The following UBE3A variants were observed in gnomAD, a reference collection of about 807,000 sequenced individuals.
UBE3A encodes ubiquitin-protein ligase E3A.
A neutral mutation model predicts 83.4 loss-of-function variants in UBE3A; 6 were observed. That is an observed-to-expected ratio of 0.07 (90% CI 0.04 to 0.14). The LOEUF (loss-of-function observed/expected upper bound fraction) is 0.14, where lower values mean the gene tolerates loss of function less well. Among genes scored for constraint, UBE3A ranks in the 10% least tolerant of loss-of-function variants. The probability of loss-of-function intolerance (pLI) is 1.00; values close to 1 mark genes in which losing one functional copy is unlikely to be tolerated. For missense variants in UBE3A, 456 were observed against 1,036.1 expected (o/e 0.44, Z 7.69); for synonymous variants, 337 against 355.4 (o/e 0.95, Z 0.58).
At position 25,416,401 on chromosome 15, in the gene UBE3A, G is replaced by T. The variant is rs570510144; in HGVS notation, c.-164-4430C>A. Among the ~76,000 whole-genome samples, 3 of 152,148 alleles carry T rather than the reference G, an allele frequency of 2.0e-5. No individual in the cohort carries two copies. The East Asian group carries it at 5.8e-4, about 29-fold the overall frequency. Reference sequence around the variant, plus strand: ...AATAAATCTCACAAATACATTAAAAGAAGTCAGACACAACTAAATGTGCTT... The same window carrying T: ...AATAAATCTCACAAATACATTAAAATAAGTCAGACACAACTAAATGTGCTT... On this transcript the variant is annotated intron_variant, in intron 1 of 12. Transcript: ENST00000648336.
chr15:25,437,755 G>T (rs928267325), intron 1 of UBE3A, among the ~76,000 whole-genome samples: 1 of 152,062 alleles, frequency 6.6e-6, no homozygotes, highest in Admixed American at 6.5e-5. Context: ...AAATTTTACG[G>T]ACTAAGGCAT....
intron 1 of UBE3A, among the ~76,000 whole-genome samples, chr15:25,437,741 T>C (rs914123512): frequency 6.6e-6 from 1 of 152,174 alleles, no homozygotes; most frequent in Admixed American, 6.5e-5. Flanking sequence ...TAAAATTATT[T>C]CTAAAATTTT....
At chr15:25,388,873 G>A (rs912646310) in intron 4 of UBE3A, among the ~76,000 whole-genome samples, 4 of 152,126 alleles carry the variant, frequency 2.6e-5, no homozygotes, top group Admixed American at 1.3e-4. Flanking sequence ...TTACATTAGC[G>A]TGTCCCAAAA....
At chr15:25,366,629 A>G (rs1384379118) in intron 6 of UBE3A, among the ~76,000 whole-genome samples, 1 of 152,202 alleles carries the variant, frequency 6.6e-6, no homozygotes, top group Non-Finnish European at 1.5e-5. Flanking sequence ...AATTGGAACC[A>G]AGTTTCACAT....
chr15:25,410,917 T>C (rs1230063827), intron 2 of UBE3A, among the ~76,000 whole-genome samples: 40 of 152,132 alleles, frequency 2.6e-4, no homozygotes, highest in Admixed American at 2.6e-3. Context: ...AAGAGACTAA[T>C]GGTATGTGGA....
At chr15:25,410,843 T>C (rs778412459) in intron 2 of UBE3A, among the ~76,000 whole-genome samples, 2 of 152,200 alleles carry the variant, frequency 1.3e-5, no homozygotes, top group South Asian at 2.1e-4. Flanking sequence ...TGAGGTCATA[T>C]GGGAAACACC....
In UBE3A at chr15:25,356,208, C is replaced by T; in HGVS notation, c.1960-152G>A. On this transcript the variant is annotated intron_variant, in intron 8 of 12. Transcript: ENST00000648336. ...TCCCTCCAGTCCCCCAAATAGTTTC[C>T]AACCTATAAAAGAAAGATTGTCAGT... 4 of 938,104 alleles carry T rather than the reference C, an allele frequency of 4.3e-6. No homozygotes were observed. The South Asian group carries it at 4.4e-5, about 10-fold the overall frequency. The allele number at this position is 938,104 out of a possible 1,614,324, so 58.1% of individuals were successfully genotyped here.
At chr15:25,357,585 A>C (rs148581241) in intron 7 of UBE3A, 1,607 of 152,336 alleles carry the variant, frequency 0.011, 20 homozygotes, top group Middle Eastern at 0.034. Flanking sequence ...TGACCTCGTG[A>C]TCTGCCAGCC....
chr15:25,407,112 A>T (rs2088797487), intron 3 of UBE3A: 1 of 1,350,824 alleles, frequency 7.4e-7, no homozygotes, highest in South Asian at 1.1e-5. Context: ...GATTGCTTCC[A>T]AACTTGTATC....
chr15:25,343,776 T>C (rs1045167205), intron 11 of UBE3A, among the ~76,000 whole-genome samples: 5 of 151,760 alleles, frequency 3.3e-5, no homozygotes, highest in Admixed American at 2.0e-4. Flanking sequence ...ATAAAGTTTC[T>C]AAAAGTGAAG....
intron 4 of UBE3A, among the ~76,000 whole-genome samples, chr15:25,401,499 T>C (rs963629337): frequency 1.3e-5 from 2 of 152,198 alleles, no homozygotes; most frequent in Non-Finnish European, 2.9e-5. Context: ...TGTTCACATT[T>C]TTCATTTCAT....
chr15:25,438,109 A>AGAAAGGGCTCCCCTTTGAAG (rs1421692960), intron 1 of UBE3A: 2 of 152,280 alleles, frequency 1.3e-5, no homozygotes, highest in Non-Finnish European at 2.9e-5. Flanking sequence ...GAAAACGCCG[A>AGAAAGGGCTCCCCTTTGAAG]GAAAGGGCTC....
At chr15:25,358,341 T>C (rs1360578308) in intron 7 of UBE3A, among the ~76,000 whole-genome samples, 1 of 151,632 alleles carries the variant, frequency 6.6e-6, no homozygotes, top group Non-Finnish European at 1.5e-5. Context: ...ACAGAACCAC[T>C]ACACTCCAGC....
At chr15:25,374,651 T>C (rs1185386435) in intron 5 of UBE3A, 1 of 152,224 alleles carries the variant, frequency 6.6e-6, no homozygotes, top group African/African-American at 2.4e-5. Context: ...TCAAATGATG[T>C]TAGTGAAAGT....
intron 4 of UBE3A, among the ~76,000 whole-genome samples, chr15:25,377,888 CA>C (rs1246388714): frequency 1.3e-5 from 2 of 152,094 alleles, no homozygotes; most frequent in African/African-American, 4.8e-5. Flanking sequence ...CACTAACTGA[CA>C]AAAGTCAGTT....
At chr15:25,339,773 T>C (rs929934078) in intron 12 of UBE3A, 21 of 389,552 alleles carry the variant, frequency 5.4e-5, no homozygotes, top group Non-Finnish European at 9.1e-5. Context: ...CGAGCCTCAA[T>C]GTAACCATTC....
rs745396458 is a variant in UBE3A at position 25,336,998 on chromosome 15, G to A, written c.*2139C>T. On this transcript the variant is annotated 3_prime_UTR_variant, in exon 13 of 13. Transcript: ENST00000648336. ...TGAAAAGGCAGCAAAAGTAAGAGGA[G>A]TGACAACATGCCCGGCATAATTAAG... 1.6e-4 allele frequency: 24 copies of A among 152,142 alleles called. No homozygotes were observed. The highest frequency in any genetic ancestry group is 3.5e-4 in the Non-Finnish European group (24 of 68,024). The allele number at this position is 152,142 out of a possible 1,614,324, so 9.4% of individuals were successfully genotyped here.
chr15:25,405,651 G>C lies in UBE3A; in HGVS notation c.21-149C>G, dbSNP rs2088347055. 3.6e-6 allele frequency: 3 copies of C among 839,138 alleles called. No individual in the cohort carries two copies. In the Admixed American group the frequency reaches 6.4e-5, roughly 18 times the overall value. 52.0% of individuals were successfully genotyped at this position (839,138 alleles called of 1,614,324 possible). A position where few individuals can be genotyped will look rare whatever the true frequency, so the allele number is the denominator to read the frequency against. On this transcript the variant is annotated intron_variant, in intron 3 of 12. Coordinates refer to ENST00000648336, the MANE Select transcript of UBE3A (RefSeq NM_130839.5). Reference sequence around the variant, plus strand: ...ATTAAAGATGTCAACATGAAAGAAAGTGGTCAGATCAGGTGGCCATACAAC... The same window carrying C: ...ATTAAAGATGTCAACATGAAAGAAACTGGTCAGATCAGGTGGCCATACAAC...
chr15:25,409,278 T>C (rs1282682588), intron 2 of UBE3A, 71 bp from the exon 3 acceptor site: 4 of 495,458 alleles, frequency 8.1e-6, no homozygotes, highest in East Asian at 6.4e-5. Flanking sequence ...CAAAAAATAA[T>C]ATTCAAAGCT....
Sources: gnomAD v4.1 joint callset for allele counts (sites outside exome capture counted in the v4.1 genomes callset) on GRCh38, gnomAD v4.1.1 for gene constraint, MANE v1.5 for transcripts, NCBI Gene and HGNC (gene_info 2026-07-23, HGNC 2026-07-21) for gene names.